Variants in NR1I3 observed in about 807,000 individuals in gnomAD.
NR1I3 encodes the protein constitutive activator of retinoid response.
A neutral mutation model predicts 38.4 loss-of-function variants in NR1I3; 30 were observed. The ratio of observed to expected loss-of-function variants is 0.78; its 90% CI spans 0.58 to 1.06. NR1I3 has a LOEUF of 1.06. Among genes scored for constraint, NR1I3 ranks in the 50% least tolerant of loss-of-function variants. NR1I3 has a pLI of 0.00. For missense variants in NR1I3, 388 were observed against 435.7 expected, an observed-to-expected ratio of 0.89 and a Z score of 0.97; for synonymous variants, 143 against 165.1, an observed-to-expected ratio of 0.87 and a Z score of 1.03.
In NR1I3 at chr1:161,232,819, A is replaced by C; in HGVS notation, c.536T>G (p.Leu179Arg). 2 of 1,614,248 alleles carry C rather than the reference A, an allele frequency of 1.2e-6. No individual in the cohort carries two copies. The highest frequency in any genetic ancestry group is 1.7e-6 in the Non-Finnish European group (2 of 1,180,040). Reference protein sequence around the residue: ...VLQVIKFTKDLPVFRSLPIED... With the variant: ...VLQVIKFTKDRPVFRSLPIED... ...GGAGGTCACTCACCGGAAGACGGGCAGGTCCTTAGTAAACTTGATGACTTG... is the reference window on the plus strand; with the variant it reads ...GGAGGTCACTCACCGGAAGACGGGCCGGTCCTTAGTAAACTTGATGACTTG... Residue 179 changes from leucine to arginine, a missense_variant, in exon 5 of 9, where the codon CTG (leucine) becomes CGG (arginine). Physicochemically the swap from Leu to Arg is moderately radical, Grantham distance 102 (BLOSUM62 -2). Coordinates refer to ENST00000367983, the MANE Select transcript of NR1I3 (RefSeq NM_005122.5).
rs1667659866 is a variant in NR1I3, at chr1:161,232,821, G to T, written c.534C>A (p.Asp178Glu). Reference protein sequence around the residue: ...MVLQVIKFTKDLPVFRSLPIE... With the variant: ...MVLQVIKFTKELPVFRSLPIE... Reference sequence around the variant, plus strand: ...AGGTCACTCACCGGAAGACGGGCAGGTCCTTAGTAAACTTGATGACTTGCA... The same window carrying T: ...AGGTCACTCACCGGAAGACGGGCAGTTCCTTAGTAAACTTGATGACTTGCA... The change falls in exon 5 of 9, where the codon GAC becomes GAA. Residue 178 changes from aspartate to glutamate, a missense_variant. Physicochemically the swap from Asp to Glu is conservative, Grantham distance 45. Transcript: ENST00000367983. The T allele has an allele frequency of 2.5e-6, 4 of 1,614,220 alleles. No individual in the cohort carries two copies.
intron 5 of NR1I3, 108 bp from the exon 6 acceptor site, chr1:161,231,582 C>T: frequency 9.0e-7 from 1 of 1,109,772 alleles, no homozygotes; most frequent in Non-Finnish European, 1.3e-6. Flanking sequence ...CTCACTGTAA[C>T]CTCTGCCTCC....
At position 161,229,845 on chromosome 1, in the gene NR1I3, G is replaced by A. The variant is rs1310834177; in HGVS notation, c.999C>T (p.Ile333=). ...GCGGCATCATGGCAGACAGGCCCTG[G>A]ATGTGCTGGATTTGGTACCCGTAGG... is the stretch of plus-strand genomic sequence containing the variant. ...NEAYGYQIQH[I]QGLSAMMPLL... Residue 333 remains isoleucine, a synonymous_variant, in exon 9 of 9, where the codon ATC becomes ATT. Coordinates refer to ENST00000367983, the MANE Select transcript of NR1I3 (RefSeq NM_005122.5). 4 of 1,614,092 alleles carry A rather than the reference G, an allele frequency of 2.5e-6. No homozygotes were observed. The highest frequency in any genetic ancestry group is 1.3e-5 in the African/African-American group (1 of 74,936).
chr1:161,236,650 C>T (rs2102198496), intron 1 of NR1I3, 52 bp from the exon 2 acceptor site: 3 of 1,577,998 alleles, frequency 1.9e-6, no homozygotes, highest in Non-Finnish European at 2.6e-6. Flanking sequence ...TGACCCTTTT[C>T]TGTCCCTTCT....
intron 3 of NR1I3, 120 bp from the exon 4 acceptor site, chr1:161,233,458 G>A: frequency 1.9e-6 from 2 of 1,037,246 alleles, no homozygotes; most frequent in South Asian, 3.0e-5. Flanking sequence ...GCAGTGGGGG[G>A]AATTCCTGAG....
At chr1:161,236,996 T>C (rs1668734135) in intron 1 of NR1I3, among the ~76,000 whole-genome samples, 1 of 151,760 alleles carries the variant, frequency 6.6e-6, no homozygotes, top group African/African-American at 2.4e-5. Context: ...TTGTTTGTTC[T>C]GTTTTTTGAG....
chr1:161,234,472 T>C (rs539050180), intron 3 of NR1I3, among the ~76,000 whole-genome samples: 1 of 152,356 alleles, frequency 6.6e-6, no homozygotes, highest in Non-Finnish European at 1.5e-5. Context: ...CTTCTACAGT[T>C]TCCTTTCATT....
intron 1 of NR1I3, 31 bp from the exon 2 acceptor site, chr1:161,236,629 T>C: frequency 6.2e-7 from 1 of 1,603,258 alleles, no homozygotes; most frequent in Non-Finnish European, 8.5e-7. Context: ...CAGTCAGTTT[T>C]GGGCCACCCT....
intron 5 of NR1I3, among the ~76,000 whole-genome samples, chr1:161,232,509 G>T (rs1167529724): frequency 6.6e-6 from 1 of 152,024 alleles, no homozygotes; most frequent in East Asian, 1.9e-4. Flanking sequence ...TGTTGCTGAG[G>T]CTGGTCTCAA....
intron 3 of NR1I3, 65 bp from the exon 4 acceptor site, chr1:161,233,403 C>G: frequency 6.4e-7 from 1 of 1,560,302 alleles, no homozygotes; most frequent in Admixed American, 1.7e-5. Context: ...TCTGCTGGTC[C>G]CTGATCTGGG....
chr1:161,233,866 T>G (rs1667939381), intron 3 of NR1I3, among the ~76,000 whole-genome samples: 6 of 145,380 alleles, frequency 4.1e-5, no homozygotes, highest in Non-Finnish European at 5.9e-5. Context: ...TGTGTGTGTG[T>G]GTGTGTGTGT....
chr1:161,236,387 G>A lies in NR1I3; in HGVS notation c.107+72C>T. 3.2e-6 allele frequency: 5 copies of A among 1,572,328 alleles called. No homozygotes were observed. The South Asian group carries it at 4.6e-5, about 15-fold the overall frequency. ...TGTAGCTGGACAGGCTTGGGCACCA[G>A]CGAGGGTGTAAAGGCTGACTAATAG... is the stretch of plus-strand genomic sequence containing the variant. On this transcript the variant is annotated intron_variant, in intron 2 of 8. Transcript: ENST00000367983.
At position 161,236,636 on chromosome 1, in the gene NR1I3, C is replaced by A. The variant is rs1363943431; in HGVS notation, c.-33-38G>T. ...GGGGTCAGCAGTCAGTTTTGGGCCA[C>A]CCTTGACCCTTTTCTGTCCCTTCTA... On this transcript the variant is annotated intron_variant, in intron 1 of 8. Transcript: ENST00000367983. 4 of 1,594,428 alleles carry A rather than the reference C, an allele frequency of 2.5e-6. No individual in the cohort carries two copies. In the East Asian group the frequency reaches 6.7e-5, roughly 27 times the overall value.
chr1:161,236,038 T>C (rs749850750), intron 2 of NR1I3, 61 bp from the exon 3 acceptor site: 12 of 1,524,416 alleles, frequency 7.9e-6, no homozygotes, highest in Non-Finnish European at 7.0e-6. Context: ...GGGGCTGAGA[T>C]GACATGGTCT....
At chr1:161,230,660 T>G in intron 8 of NR1I3, 153 bp downstream of exon 8, 13 of 940,964 alleles carry the variant, frequency 1.4e-5, no homozygotes, top group Non-Finnish European at 1.9e-5. Flanking sequence ...TGAAACGATG[T>G]GAGACAGGGA....
intron 3 of NR1I3, 128 bp downstream of exon 3, chr1:161,235,719 G>T: frequency 8.4e-7 from 1 of 1,190,118 alleles, no homozygotes; most frequent in Non-Finnish European, 1.2e-6. Flanking sequence ...TGTCTTGAGT[G>T]AATAGTGACA....
intron 1 of NR1I3, among the ~76,000 whole-genome samples, chr1:161,236,935 G>A (rs1318394392): frequency 7.2e-6 from 1 of 138,502 alleles, no homozygotes; most frequent in East Asian, 2.0e-4. Context: ...TAGAGATGGG[G>A]TTTTGCCATG....
At chr1:161,230,452 G>A (rs1334885922) in intron 8 of NR1I3, 14 of 464,932 alleles carry the variant, frequency 3.0e-5, no homozygotes, top group Non-Finnish European at 3.4e-5. Context: ...CCAATGGCGA[G>A]GAGAGGAAAG....
intron 1 of NR1I3, 37 bp from the exon 2 acceptor site, chr1:161,236,635 A>G: frequency 6.3e-7 from 1 of 1,593,624 alleles, no homozygotes; most frequent in Non-Finnish European, 8.5e-7. Context: ...GTTTTGGGCC[A>G]CCCTTGACCC....
Sources: gnomAD v4.1 joint callset for allele counts (sites outside exome capture counted in the v4.1 genomes callset) on GRCh38, gnomAD v4.1.1 for gene constraint, MANE v1.5 for transcripts, NCBI Gene and HGNC (gene_info 2026-07-23, HGNC 2026-07-21) for gene names.